Variants in CEL observed in about 807,000 individuals in gnomAD.
The protein encoded by CEL is carboxyl ester lipase.
A neutral mutation model predicts 57.1 loss-of-function variants in CEL; 39 were observed. The observed-to-expected ratio is 0.68, with a 90% CI of 0.53 to 0.89. The LOEUF is 0.89. CEL is among the 40% of genes least tolerant of loss of function. The probability of loss-of-function intolerance (pLI) is 0.00; values close to 1 mark genes in which losing one functional copy is unlikely to be tolerated. For synonymous variants in CEL, 314 were observed against 396.6 expected (o/e 0.79, Z 2.48); for missense variants, 698 against 915.0 (o/e 0.76, Z 3.06).
intron 1 of CEL, among the ~76,000 whole-genome samples, chr9:133,063,434 AG>A (rs1830123553): frequency 6.6e-6 from 1 of 151,826 alleles, no homozygotes; most frequent in Non-Finnish European, 1.5e-5. Flanking sequence ...CCAGTGTGAC[AG>A]GGGGCCCATC....
At position 133,065,057 on chromosome 9, in the gene CEL, G is replaced by A. The variant is rs201336247; in HGVS notation, c.358G>A (p.Val120Ile). 2.1e-4 allele frequency: 333 copies of A among 1,613,464 alleles called. 1 individual carries two copies. In the Middle Eastern group the frequency reaches 3.0e-3, roughly 15 times the overall value. The change falls in exon 4 of 11, where the codon GTT becomes ATT. Residue 120 changes from valine (V) to isoleucine (I), a missense_variant. This residue lies in a region of CEL where 327 missense variants were observed against 374.1 expected (regional missense o/e 0.87). Coordinates refer to ENST00000372080, the MANE Select transcript of CEL (RefSeq NM_001807.6). ...CATCTCAGTCTCCCGGGACCTGCCC[G>A]TTATGATCTGGATCTATGGAGGCGC... is the stretch of plus-strand genomic sequence containing the variant. The part of the protein sequence containing the change: ...GRKQVSRDLP[V>I]MIWIYGGAFL...
intron 1 of CEL, among the ~76,000 whole-genome samples, chr9:133,063,255 C>T (rs375054074): frequency 2.0e-5 from 3 of 152,170 alleles, no homozygotes; most frequent in African/African-American, 4.8e-5. Context: ...CAGGTCATCA[C>T]GACCCCTCCC....
rs543159660 is a variant in CEL, at chr9:133,066,981, G to A, written c.777+36G>A. 2 of 1,593,116 alleles carry A rather than the reference G, an allele frequency of 1.3e-6. No individual in the cohort carries two copies. Among genetic ancestry groups the A allele is most frequent in the Non-Finnish European group, 1.7e-6 (2 of 1,161,266 alleles). ...GAGGGCAGGGCTGGGCGGGGTGGGG[G>A]CTGTCCACATTTCCGTTCTTTATCC... On this transcript the variant is annotated intron_variant, in intron 6 of 10. Transcript: ENST00000372080. The surrounding 1 kb of genome is among the most constrained non-coding windows in gnomAD (Gnocchi z 4.3).
In CEL at chr9:133,066,960, G is replaced by GGGC; in HGVS notation, c.777+15_777+16insGGC. ...GGGCCAAAAAGGTAAACGGAGGAGGGCAGGGCTGGGCGGGGTGGGGGCTGT... is the reference window on the plus strand; with the variant it reads ...GGGCCAAAAAGGTAAACGGAGGAGGGGGCCAGGGCTGGGCGGGGTGGGGGCTGT... On this transcript the variant is annotated intron_variant, in intron 6 of 10. Coordinates refer to ENST00000372080, the MANE Select transcript of CEL (RefSeq NM_001807.6). This position sits in a 1 kb window ranked among gnomAD's most constrained non-coding sequence, Gnocchi z 4.3. The GGGC allele has an allele frequency of 3.6e-6, 5 of 1,400,590 alleles. No homozygotes were observed. Among genetic ancestry groups the GGGC allele is most frequent in the Non-Finnish European group, 5.1e-6 (5 of 989,076 alleles). 86.8% of individuals were successfully genotyped at this position (1,400,590 alleles called of 1,614,324 possible). A position where few individuals can be genotyped will look rare whatever the true frequency, so the allele number is the denominator to read the frequency against.
At chr9:133,068,192 C>G (rs557574306) in intron 7 of CEL, among the ~76,000 whole-genome samples, 2 of 152,198 alleles carry the variant, frequency 1.3e-5, no homozygotes, top group Non-Finnish European at 2.9e-5. Flanking sequence ...TCTAGGGGCC[C>G]GTCCAGGGGT....
At chr9:133,070,871 G>C (rs567071164) in intron 10 of CEL, 116 bp from the exon 11 acceptor site, 68 of 1,330,102 alleles carry the variant, frequency 5.1e-5, no homozygotes, top group Non-Finnish European at 6.7e-5. Flanking sequence ...GCAGTGAGGG[G>C]CATGGTGCCC....
At chr9:133,069,906 G>A (rs149484477) in intron 9 of CEL, among the ~76,000 whole-genome samples, 2,132 of 152,244 alleles carry the variant, frequency 0.014, 59 homozygotes, top group African/African-American at 0.047. Flanking sequence ...GGGAGGTGGA[G>A]GTTGCAGTGA....
Position 133,071,808 on chromosome 9 carries a change from C to G in CEL, c.*44C>G. The stretch of plus-strand genomic sequence containing the variant: ...ATCAAGAGGCCACAAGAGTGGGACC[C>G]CAGGGGCTCCCCTCCCATCTTGAGC... On this transcript the variant is annotated 3_prime_UTR_variant, in exon 11 of 11. Transcript: ENST00000372080. 2 of 1,550,828 alleles carry G rather than the reference C, an allele frequency of 1.3e-6. No homozygotes were observed. The highest frequency in any genetic ancestry group is 1.8e-6 in the Non-Finnish European group (2 of 1,125,066).
chr9:133,063,682 G>A (rs1266159937), intron 1 of CEL, among the ~76,000 whole-genome samples: 2 of 152,216 alleles, frequency 1.3e-5, no homozygotes, highest in East Asian at 3.8e-4. Context: ...CCTCAGTTCC[G>A]TCAGGGACAG....
rs765704794 is a variant in CEL, at chr9:133,066,900, G to A, written c.732G>A (p.Leu244=). The A allele has an allele frequency of 6.2e-7, 1 of 1,606,534 alleles. No homozygotes were observed. The highest frequency in any genetic ancestry group is 2.3e-5 in the East Asian group (1 of 44,414). Residue 244 remains leucine (L), a synonymous_variant, in exon 6 of 11, where the codon CTG becomes CTA. Coordinates refer to ENST00000372080, the MANE Select transcript of CEL (RefSeq NM_001807.6). This position sits in a 1 kb window ranked among gnomAD's most constrained non-coding sequence, Gnocchi z 4.3. ...CCATCAGCCAGAGCGGCGTGGCCCT[G>A]AGTCCCTGGGTCATCCAGAAAAACC... ...RRAISQSGVA[L]SPWVIQKNPL...
Position 133,066,975 on chromosome 9 carries a change from G to GGT in CEL, c.777+30_777+31insGT. On this transcript the variant is annotated intron_variant, in intron 6 of 10. Coordinates refer to ENST00000372080, the MANE Select transcript of CEL (RefSeq NM_001807.6). The surrounding 1 kb of genome is among the most constrained non-coding windows in gnomAD (Gnocchi z 4.3). ...ACGGAGGAGGGCAGGGCTGGGCGGG[G>GGT]TGGGGGCTGTCCACATTTCCGTTCT... The GGT allele has an allele frequency of 6.8e-7, 1 of 1,467,678 alleles. No individual in the cohort carries two copies. The highest frequency in any genetic ancestry group is 9.6e-7 in the Non-Finnish European group (1 of 1,046,852). The allele number at this position is 1,467,678 out of a possible 1,614,324, so 90.9% of individuals were successfully genotyped here.
At chr9:133,064,845 C>T in intron 3 of CEL, 83 bp downstream of exon 3, 2 of 1,599,170 alleles carry the variant, frequency 1.3e-6, no homozygotes, top group Non-Finnish European at 1.7e-6. Flanking sequence ...CTGGGGGCTG[C>T]AAAGCTGAAC....
Position 133,071,768 on chromosome 9 carries a change from C to T in CEL, c.*4C>T. ...GCCTGCAGTCATTAGGTTTTAGCGT[C>T]CCATGAGCCTTGGTATCAAGAGGCC... On this transcript the variant is annotated 3_prime_UTR_variant, in exon 11 of 11. Transcript: ENST00000372080. The T allele has an allele frequency of 6.2e-7, 1 of 1,611,824 alleles. No individual in the cohort carries two copies. Among genetic ancestry groups the T allele is most frequent in the Non-Finnish European group, 8.5e-7 (1 of 1,179,004 alleles).
intron 7 of CEL, 148 bp downstream of exon 7, chr9:133,067,353 C>T: frequency 2.6e-6 from 2 of 756,710 alleles, no homozygotes; most frequent in Admixed American, 2.0e-5. Context: ...TCGAAGGCCC[C>T]AGCTGTAAGG....
rs1830183181 is a variant in CEL, at chr9:133,066,739, A to G, written c.669+79A>G. On this transcript the variant is annotated intron_variant, in intron 5 of 10. Coordinates refer to ENST00000372080, the MANE Select transcript of CEL (RefSeq NM_001807.6). This position sits in a 1 kb window ranked among gnomAD's most constrained non-coding sequence, Gnocchi z 4.3. Reference sequence around the variant, plus strand: ...ACGGGAAGGGGAGGGTGGGAGGAGGAGCGTGGAGCTGGGGCTGTGGTGCTG... The same window carrying G: ...ACGGGAAGGGGAGGGTGGGAGGAGGGGCGTGGAGCTGGGGCTGTGGTGCTG... 2 of 1,605,304 alleles carry G rather than the reference A, an allele frequency of 1.2e-6. No individual in the cohort carries two copies. Among genetic ancestry groups the G allele is most frequent in the Non-Finnish European group, 8.5e-7 (1 of 1,174,248 alleles).
Position 133,066,468 on chromosome 9 carries a change from C to T in CEL, c.539-62C>T. Reference sequence around the variant, plus strand: ...TTCCACCCCACCTATGCTGATCTCCCCTCCTGGAGGCCAGGCCTGGGCCAC... The same window carrying T: ...TTCCACCCCACCTATGCTGATCTCCTCTCCTGGAGGCCAGGCCTGGGCCAC... On this transcript the variant is annotated intron_variant, in intron 4 of 10. Transcript: ENST00000372080. The surrounding 1 kb of genome is among the most constrained non-coding windows in gnomAD (Gnocchi z 4.3). 1 of 1,607,570 alleles carries T rather than the reference C, an allele frequency of 6.2e-7. No individual in the cohort carries two copies. The highest frequency in any genetic ancestry group is 2.2e-5 in the East Asian group (1 of 44,848).
chr9:133,066,922 A>G lies in CEL; in HGVS notation c.754A>G (p.Asn252Asp), dbSNP rs757349759. ...VALSPWVIQK[N>D]PLFWAKKVAE... ...CCTGAGTCCCTGGGTCATCCAGAAA[A>G]ACCCACTCTTCTGGGCCAAAAAGGT... The change falls in exon 6 of 11, where the codon AAC becomes GAC. Residue 252 changes from asparagine to aspartate, a missense_variant. Asn to Asp is a conservative substitution (Grantham distance 23). This residue lies in a region of CEL where 327 missense variants were observed against 374.1 expected (regional missense o/e 0.87). Coordinates refer to ENST00000372080, the MANE Select transcript of CEL (RefSeq NM_001807.6). This position sits in a 1 kb window ranked among gnomAD's most constrained non-coding sequence, Gnocchi z 4.3. 6.2e-7 allele frequency: 1 copy of G among 1,606,942 alleles called. No individual in the cohort carries two copies. Among genetic ancestry groups the G allele is most frequent in the South Asian group, 1.1e-5 (1 of 90,892 alleles).
In CEL at chr9:133,065,171, G is replaced by T. The variant is rs190538939; in HGVS notation, c.472G>T (p.Val158Leu). ...GATCGCCACACGCGGAAACGTCATC[G>T]TGGTCACCTTCAACTACCGTGTCGG... ...EEIATRGNVI[V>L]VTFNYRVGPL... Residue 158 changes from valine to leucine, a missense_variant, in exon 4 of 11, where the codon GTG (valine) becomes TTG (leucine). Physicochemically the swap from Val to Leu is conservative, Grantham distance 32 (BLOSUM62 1). Around this residue, in one of 6 missense-constraint regions of CEL, gnomAD observed 327 missense variants for 374.1 expected, o/e 0.87. Transcript: ENST00000372080. 6.2e-7 allele frequency: 1 copy of T among 1,613,724 alleles called. No individual in the cohort carries two copies. Among genetic ancestry groups the T allele is most frequent in the Non-Finnish European group, 8.5e-7 (1 of 1,180,042 alleles).
intron 4 of CEL, among the ~76,000 whole-genome samples, chr9:133,065,715 G>A (rs568633451): frequency 3.3e-4 from 50 of 151,706 alleles, no homozygotes; most frequent in African/African-American, 1.2e-3. Flanking sequence ...GCGTGGTGGC[G>A]CTTGCCTGTA....
Sources: allele counts gnomAD v4.1 joint callset (sites outside exome capture counted in the v4.1 genomes callset), GRCh38; gene constraint gnomAD v4.1.1; regional missense constraint gnomAD v4.1.1; non-coding constraint Gnocchi (gnomAD v3.1); transcripts MANE v1.5; gene names NCBI Gene and HGNC (gene_info 2026-07-23, HGNC 2026-07-21).